Variants in RPS6KC1 observed in about 807,000 individuals in gnomAD.
RPS6KC1 encodes inactive ribosomal protein S6 kinase delta-1.
A neutral mutation model predicts 103.8 loss-of-function variants in RPS6KC1; 54 were observed. That is an observed-to-expected ratio of 0.52 (90% CI 0.42 to 0.65). The LOEUF (loss-of-function observed/expected upper bound fraction) is 0.65, where lower values mean the gene tolerates loss of function less well. RPS6KC1 is among the 30% of genes least tolerant of loss of function. The pLI, the probability that RPS6KC1 is intolerant of heterozygous loss-of-function variation, is 0.00. For missense variants in RPS6KC1, 1,151 were observed against 1,253.8 expected (o/e 0.92, Z 1.24); for synonymous variants, 439 against 438.7 (o/e 1.00, Z -0.01).
chr1:213,791,026 A>G, the RPS6KC1 span, among the ~76,000 whole-genome samples: 1 of 152,218 alleles, frequency 6.6e-6, no homozygotes, highest in East Asian at 1.9e-4. Flanking sequence ...TCAGTAGGGA[A>G]AGTCAAGGAC....
At position 213,051,296 on chromosome 1, in the gene RPS6KC1, A is replaced by T. The variant is rs1212325135; in HGVS notation, c.-109A>T. 1 of 768,860 alleles carries T rather than the reference A, an allele frequency of 1.3e-6. No homozygotes were observed. Among genetic ancestry groups the T allele is most frequent in the African/African-American group, 1.8e-5 (1 of 57,136 alleles). The allele number at this position is 768,860 out of a possible 1,614,324, so 47.6% of individuals were successfully genotyped here. A position where few individuals can be genotyped will look rare whatever the true frequency, so the allele number is the denominator to read the frequency against. On this transcript the variant is annotated 5_prime_UTR_variant, in exon 1 of 15. Transcript: ENST00000366960. The stretch of plus-strand genomic sequence containing the variant: ...GCCGCCGTGGAGCCGCCTTGGAGCC[A>T]CCGCCCCCTCGCCGCTTCGCCGCTG...
the RPS6KC1 span, among the ~76,000 whole-genome samples, chr1:213,681,065 C>A: frequency 6.6e-6 from 1 of 151,938 alleles, no homozygotes; most frequent in Non-Finnish European, 1.5e-5. Flanking sequence ...TAGACTCTGA[C>A]GCTGTAACAC....
At chr1:213,584,858 T>C in the RPS6KC1 span, among the ~76,000 whole-genome samples, 212 of 152,314 alleles carry the variant, frequency 1.4e-3, no homozygotes, top group African/African-American at 5.0e-3. Context: ...TGAGAAACAC[T>C]GAAATAAACC....
intron 6 of RPS6KC1, among the ~76,000 whole-genome samples, chr1:213,148,260 G>T (rs1175599154): frequency 3.9e-5 from 6 of 152,112 alleles, no homozygotes; most frequent in Non-Finnish European, 8.8e-5. Context: ...TCATGTTCCT[G>T]ATCTAAGAGG....
the RPS6KC1 span, among the ~76,000 whole-genome samples, chr1:213,314,249 T>C: frequency 4.6e-5 from 7 of 152,214 alleles, no homozygotes; most frequent in African/African-American, 1.4e-4. Flanking sequence ...CCCATTCCAA[T>C]GACCTCATCT....
At chr1:213,402,254 T>C in the RPS6KC1 span, among the ~76,000 whole-genome samples, 57 of 152,202 alleles carry the variant, frequency 3.7e-4, no homozygotes, top group Non-Finnish European at 7.1e-4. Context: ...GCTGACAGTC[T>C]AGTAAGGGAG....
At chr1:213,596,947 A>T in the RPS6KC1 span, among the ~76,000 whole-genome samples, 8 of 152,234 alleles carry the variant, frequency 5.3e-5, no homozygotes, top group African/African-American at 1.9e-4. Flanking sequence ...GGACGGAGTC[A>T]CTGTGACTGT....
At chr1:213,112,531 G>C (rs949699297) in intron 4 of RPS6KC1, among the ~76,000 whole-genome samples, 1 of 151,114 alleles carries the variant, frequency 6.6e-6, no homozygotes, top group Non-Finnish European at 1.5e-5. Flanking sequence ...TTGTATACAA[G>C]TGGTTCTCAA....
At chr1:213,806,606 G>A in the RPS6KC1 span, among the ~76,000 whole-genome samples, 2 of 146,862 alleles carry the variant, frequency 1.4e-5, no homozygotes, top group Non-Finnish European at 3.0e-5. Context: ...TGCAACCCCT[G>A]CCTTTTTTTG....
downstream of RPS6KC1, among the ~76,000 whole-genome samples, chr1:213,279,164 T>C (rs2095118184): frequency 6.6e-6 from 1 of 152,062 alleles, no homozygotes; most frequent in Non-Finnish European, 1.5e-5. Context: ...ATTTTAGGGT[T>C]AGAATGGAGA....
the RPS6KC1 span, among the ~76,000 whole-genome samples, chr1:213,467,178 T>C: frequency 1.3e-5 from 2 of 152,154 alleles, no homozygotes; most frequent in African/African-American, 2.4e-5. Flanking sequence ...ATACTGAGAA[T>C]TGATTAAAGA....
At chr1:213,321,834 G>A in the RPS6KC1 span, among the ~76,000 whole-genome samples, 1,564 of 152,312 alleles carry the variant, frequency 0.01, 11 homozygotes, top group Non-Finnish European at 0.016. Context: ...TGCCATTTGA[G>A]CAAAGACATG....
At chr1:213,644,241 G>A in the RPS6KC1 span, among the ~76,000 whole-genome samples, 1 of 151,920 alleles carries the variant, frequency 6.6e-6, no homozygotes, top group Non-Finnish European at 1.5e-5. Flanking sequence ...TATACTCACA[G>A]AAAAACTGAG....
intron 8 of RPS6KC1, among the ~76,000 whole-genome samples, chr1:213,215,304 G>A (rs2093629994): frequency 6.6e-6 from 1 of 152,178 alleles, no homozygotes. Flanking sequence ...TGAATGAAAT[G>A]AAGTGAGAAG....
At chr1:213,825,130 A>T in the RPS6KC1 span, among the ~76,000 whole-genome samples, 1 of 152,092 alleles carries the variant, frequency 6.6e-6, no homozygotes, top group Non-Finnish European at 1.5e-5. Context: ...GAGAAGCAAG[A>T]CCCCTGACTT....
intron 1 of RPS6KC1, among the ~76,000 whole-genome samples, chr1:213,053,149 C>T (rs1006482376): frequency 6.6e-6 from 1 of 152,124 alleles, no homozygotes; most frequent in African/African-American, 2.4e-5. Flanking sequence ...AGTCATTGGG[C>T]CCTTTGAAAA....
chr1:213,688,469 G>A, the RPS6KC1 span, among the ~76,000 whole-genome samples: 1 of 152,272 alleles, frequency 6.6e-6, no homozygotes, highest in South Asian at 2.1e-4. Flanking sequence ...TTCTGAACAT[G>A]GCCGGATCAA....
At chr1:213,115,818 G>T (rs987324331) in intron 4 of RPS6KC1, among the ~76,000 whole-genome samples, 1 of 152,222 alleles carries the variant, frequency 6.6e-6, no homozygotes, top group African/African-American at 2.4e-5. Flanking sequence ...GTACGCAGTA[G>T]TCATTCAGGA....
the RPS6KC1 span, among the ~76,000 whole-genome samples, chr1:213,301,799 G>T: frequency 6.6e-6 from 1 of 151,618 alleles, no homozygotes; most frequent in Non-Finnish European, 1.5e-5. Context: ...GTAGTGGCAC[G>T]ATCTTGGCTT....
Sources: allele counts gnomAD v4.1 joint callset (sites outside exome capture counted in the v4.1 genomes callset), GRCh38; gene constraint gnomAD v4.1.1; transcripts MANE v1.5; gene names NCBI Gene and HGNC (gene_info 2026-07-23, HGNC 2026-07-21).